CEP68: variants seen among roughly 807,000 people sequenced by gnomAD.
The protein encoded by CEP68 is centrosomal protein of 68 kDa.
In CEP68, 26 loss-of-function variants were observed where a neutral mutation model predicts 55.3. The observed-to-expected ratio is 0.47, with a 90% CI of 0.34 to 0.65. The LOEUF is 0.65. CEP68 is among the 30% of genes least tolerant of loss of function. The pLI is 0.01. For synonymous variants in CEP68, 402 were observed against 383.2 expected (o/e 1.05, Z -0.57); for missense variants, 957 against 946.7 (o/e 1.01, Z -0.14).
In CEP68 at chr2:65,069,448, G is replaced by C. The variant is rs1325770521; in HGVS notation, c.4G>C (p.Ala2Pro). 1 of 1,513,966 alleles carries C rather than the reference G, an allele frequency of 6.6e-7. No individual in the cohort carries two copies. The highest frequency in any genetic ancestry group is 2.3e-5 in the East Asian group (1 of 43,934). 93.8% of individuals were successfully genotyped at this position (1,513,966 alleles called of 1,614,324 possible). Residue 2 changes from alanine to proline, a missense_variant, in exon 2 of 7, where the codon GCC becomes CCC. Physicochemically the swap from Ala to Pro is conservative, Grantham distance 27. Transcript: ENST00000377990. ...CTGACCTAGGTAGGGAGTCTCAATG[G>C]CCCTGGGTGAAGAAAAGGCAGAAGC... M[A>P]LGEEKAEAEA...
intron 1 of CEP68, among the ~76,000 whole-genome samples, chr2:65,062,366 T>G (rs1178308294): frequency 6.6e-6 from 1 of 151,838 alleles, no homozygotes; most frequent in Non-Finnish European, 1.5e-5. Context: ...AAACCCCGTA[T>G]CTACTAAAAA....
At chr2:65,066,976 C>G (rs980274243) in intron 1 of CEP68, among the ~76,000 whole-genome samples, 1 of 150,464 alleles carries the variant, frequency 6.6e-6, no homozygotes, top group African/African-American at 2.4e-5. Flanking sequence ...TACTGAAGGA[C>G]CTGCTGTATT....
In CEP68 at chr2:65,072,256, G is replaced by A. The variant is rs199725907; in HGVS notation, c.1160G>A (p.Gly387Asp). 6.2e-7 allele frequency: 1 copy of A among 1,614,122 alleles called. No homozygotes were observed. Among genetic ancestry groups the A allele is most frequent in the Non-Finnish European group, 8.5e-7 (1 of 1,180,018 alleles). The change falls in exon 3 of 7, where the codon GGT (glycine) becomes GAT (aspartate). Residue 387 changes from glycine (G) to aspartate (D), a missense_variant. By Grantham distance (94) the Gly-to-Asp change is moderately conservative. Transcript: ENST00000377990. ...QWPSRVPQKQGGMGLASWSQL... is the reference protein window; with the variant it reads ...QWPSRVPQKQDGMGLASWSQL... ...CCCTCCAGAGTACCCCAGAAACAGG[G>A]TGGCATGGGCTTGGCATCTTGGAGC... is the stretch of plus-strand genomic sequence containing the variant.
intron 5 of CEP68, among the ~76,000 whole-genome samples, chr2:65,081,244 C>G (rs114365704): frequency 0.012 from 1,863 of 150,966 alleles, 25 homozygotes; most frequent in Non-Finnish European, 0.018. Flanking sequence ...GAGGGTAGAA[C>G]CCAGCCCAGC....
intron 1 of CEP68, among the ~76,000 whole-genome samples, chr2:65,067,087 A>G (rs545945332): frequency 6.6e-6 from 1 of 151,726 alleles, no homozygotes; most frequent in South Asian, 2.1e-4. Flanking sequence ...AAAAAAAAAA[A>G]GGGAGGGAAG....
Position 65,072,262 on chromosome 2 carries a change from T to C in CEP68, c.1166T>C (p.Met389Thr), listed in dbSNP as rs1042396491. 2 of 1,613,920 alleles carry C rather than the reference T, an allele frequency of 1.2e-6. No homozygotes were observed. Among genetic ancestry groups the C allele is most frequent in the African/African-American group, 2.7e-5 (2 of 74,884 alleles). ...AGAGTACCCCAGAAACAGGGTGGCA[T>C]GGGCTTGGCATCTTGGAGCCAACTT... is the stretch of plus-strand genomic sequence containing the variant. ...PSRVPQKQGG[M>T]GLASWSQLAS... The change falls in exon 3 of 7, where the codon ATG (methionine) becomes ACG (threonine). Residue 389 changes from methionine (M) to threonine (T), a missense_variant. Coordinates refer to ENST00000377990, the MANE Select transcript of CEP68 (RefSeq NM_015147.3).
intron 5 of CEP68, among the ~76,000 whole-genome samples, chr2:65,078,484 C>A (rs1328803253): frequency 6.6e-6 from 1 of 152,156 alleles, no homozygotes; most frequent in African/African-American, 2.4e-5. Context: ...GAATGAAGAA[C>A]TGATGAGAGG....
chr2:65,074,156 AAGG>A (rs1676646038), intron 3 of CEP68, 123 bp from the exon 4 acceptor site: 5 of 1,133,776 alleles, frequency 4.4e-6, no homozygotes, highest in Admixed American at 2.1e-5. Context: ...ACAGGTGAGC[AAGG>A]AGGAGAGAGG....
chr2:65,074,619 TATA>T (rs1676672967), intron 4 of CEP68: 12 of 627,446 alleles, frequency 1.9e-5, no homozygotes, highest in Non-Finnish European at 2.7e-5. Flanking sequence ...GAAGATACAA[TATA>T]TTTATCTCAA....
In CEP68 at chr2:65,072,866, C is replaced by T; in HGVS notation, c.1770C>T (p.Arg590=). 6.2e-7 allele frequency: 1 copy of T among 1,614,212 alleles called. No individual in the cohort carries two copies. Residue 590 remains arginine (R), a synonymous_variant, in exon 3 of 7, where the codon CGC becomes CGT. Coordinates refer to ENST00000377990, the MANE Select transcript of CEP68 (RefSeq NM_015147.3). ...LGVSSGLLKT[R]PSLPARLDRW... Reference sequence around the variant, plus strand: ...TCTCCTCTGGACTGCTGAAAACACGCCCCTCCTTGCCAGCTAGGTTGGACC... The same window carrying T: ...TCTCCTCTGGACTGCTGAAAACACGTCCCTCCTTGCCAGCTAGGTTGGACC...
chr2:65,077,258 A>G (rs983886376), intron 4 of CEP68, among the ~76,000 whole-genome samples: 2 of 152,110 alleles, frequency 1.3e-5, no homozygotes, highest in Non-Finnish European at 2.9e-5. Flanking sequence ...TTGGCCTCCC[A>G]GAGTGCTGGG....
At chr2:65,074,076 T>C (rs1372770863) in intron 3 of CEP68, 4 of 543,566 alleles carry the variant, frequency 7.4e-6, no homozygotes, top group Non-Finnish European at 9.6e-6. Flanking sequence ...CAGCCTGTCA[T>C]TTTTGATGTC....
At chr2:65,070,915 A>C (rs1385123088) in intron 2 of CEP68, 1 of 154,698 alleles carries the variant, frequency 6.5e-6, no homozygotes, top group African/African-American at 2.4e-5. Context: ...CATGTCCTTC[A>C]ACACTGTGCT....
At chr2:65,074,543 C>T (rs1318323255) in intron 4 of CEP68, 139 bp downstream of exon 4, 4 of 1,238,540 alleles carry the variant, frequency 3.2e-6, no homozygotes, top group Non-Finnish European at 4.7e-6. Context: ...CTAATTAGAG[C>T]TTCACATTCT....
At chr2:65,075,707 T>C (rs1430608819) in intron 4 of CEP68, among the ~76,000 whole-genome samples, 2 of 152,216 alleles carry the variant, frequency 1.3e-5, no homozygotes, top group Non-Finnish European at 2.9e-5. Flanking sequence ...TCTGGTTGGC[T>C]GCACCTTTCT....
intron 1 of CEP68, among the ~76,000 whole-genome samples, chr2:65,058,472 C>T (rs957381049): frequency 6.7e-6 from 1 of 149,080 alleles, no homozygotes; most frequent in Non-Finnish European, 1.5e-5. Context: ...GTGCCTGACA[C>T]CTTATCCGAT....
At chr2:65,066,745 A>AAAAAAATATATAT (rs70943620) in intron 1 of CEP68, among the ~76,000 whole-genome samples, 36 of 58,362 alleles carry the variant, frequency 6.2e-4, no homozygotes, top group Non-Finnish European at 9.2e-4. Context: ...AAAAAAAAAA[A>AAAAAAATATATAT]ATATATATAT....
intron 1 of CEP68, 129 bp from the exon 2 acceptor site, chr2:65,069,270 G>A: frequency 3.6e-6 from 2 of 558,662 alleles, no homozygotes; most frequent in Admixed American, 5.6e-5. Flanking sequence ...CTCCTCTGAG[G>A]AAGTAGTCAC....
chr2:65,071,657 A>T lies in CEP68; in HGVS notation c.561A>T (p.Pro187=), dbSNP rs754674684. 2 of 1,614,180 alleles carry T rather than the reference A, an allele frequency of 1.2e-6. No homozygotes were observed. The highest frequency in any genetic ancestry group is 1.7e-6 in the Non-Finnish European group (2 of 1,180,026). Residue 187 remains proline (P), a synonymous_variant, in exon 3 of 7, where the codon CCA becomes CCT. Transcript: ENST00000377990. ...CACAGTGGAAGTCCGTGCTGAGCCC[A>T]GGTTCCGCAGCTCAGCCTTCCAGCT... ...CLSQWKSVLS[P]GSAAQPSSCS...
Sources: gnomAD v4.1 joint callset for allele counts (sites outside exome capture counted in the v4.1 genomes callset) on GRCh38, gnomAD v4.1.1 for gene constraint, MANE v1.5 for transcripts, NCBI Gene and HGNC (gene_info 2026-07-23, HGNC 2026-07-21) for gene names.